Variants in KLHL32 observed in about 807,000 individuals in gnomAD.
KLHL32 encodes the protein kelch like family member 32, also known as kelch-like protein 32.
In KLHL32, 35 loss-of-function variants were observed where a neutral mutation model predicts 64.8. That is an observed-to-expected ratio of 0.54 (90% CI 0.41 to 0.72). KLHL32 has a LOEUF of 0.72. KLHL32 is among the 30% of genes least tolerant of loss of function. The probability of loss-of-function intolerance (pLI) is 0.00; values close to 1 mark genes in which losing one functional copy is unlikely to be tolerated. For missense variants in KLHL32, 589 were observed against 768.5 expected (o/e 0.77, Z 2.76); for synonymous variants, 259 against 281.0 (o/e 0.92, Z 0.78).
chr6:96,936,530 T>C (rs1337487393), intron 1 of KLHL32, among the ~76,000 whole-genome samples: 1 of 152,202 alleles, frequency 6.6e-6, no homozygotes, highest in Non-Finnish European at 1.5e-5. Flanking sequence ...AGTCAGGAAA[T>C]TCTGTTGGCT....
At chr6:97,103,663 G>A (rs1796041812) in intron 6 of KLHL32, among the ~76,000 whole-genome samples, 1 of 152,222 alleles carries the variant, frequency 6.6e-6, no homozygotes, top group African/African-American at 2.4e-5. Flanking sequence ...CCTAGGGAGA[G>A]TGACTATGAT....
chr6:97,055,178 T>C (rs1302659708), intron 4 of KLHL32, among the ~76,000 whole-genome samples: 1 of 152,150 alleles, frequency 6.6e-6, no homozygotes, highest in Non-Finnish European at 1.5e-5. Flanking sequence ...CTCTCTCTTC[T>C]CTTTTTAGAG....
chr6:96,990,801 C>T (rs1344934396), intron 3 of KLHL32, among the ~76,000 whole-genome samples: 1 of 152,076 alleles, frequency 6.6e-6, no homozygotes, highest in Non-Finnish European at 1.5e-5. Context: ...GCATTGGAGG[C>T]TCATAGGTGA....
chr6:97,081,279 C>T (rs925027367), intron 5 of KLHL32, among the ~76,000 whole-genome samples: 1 of 151,994 alleles, frequency 6.6e-6, no homozygotes, highest in Admixed American at 6.5e-5. Flanking sequence ...CATGGGTTCA[C>T]GAGTGTAGGG....
intron 3 of KLHL32, among the ~76,000 whole-genome samples, chr6:97,030,401 G>A (rs1256762196): frequency 6.6e-6 from 1 of 152,068 alleles, no homozygotes; most frequent in Non-Finnish European, 1.5e-5. Flanking sequence ...AAATAAAGAG[G>A]GAATAACACA....
At chr6:97,117,294 G>C (rs999713325) in intron 7 of KLHL32, among the ~76,000 whole-genome samples, 1 of 152,170 alleles carries the variant, frequency 6.6e-6, no homozygotes, top group Admixed American at 6.5e-5. Flanking sequence ...TTTAATTGAT[G>C]GGAATTGAAT....
At position 97,130,847 on chromosome 6, in the gene KLHL32, A is replaced by G. The variant is rs746795768; in HGVS notation, c.1504A>G (p.Asn502Asp). The change falls in exon 9 of 11, where the codon AAT becomes GAT. Residue 502 changes from asparagine to aspartate, a missense_variant. Transcript: ENST00000369261. ...VQRKLYVLGG[N>D]DLDYNNDRIL... ...AAGGAAGCTTTATGTTCTTGGAGGC[A>G]ATGACCTAGACTACAATAATGACCG... 2.5e-6 allele frequency: 4 copies of G among 1,614,060 alleles called. No homozygotes were observed. The highest frequency in any genetic ancestry group is 3.4e-6 in the Non-Finnish European group (4 of 1,180,016).
intron 1 of KLHL32, among the ~76,000 whole-genome samples, chr6:96,957,978 T>C (rs1773453797): frequency 6.6e-6 from 1 of 152,184 alleles, no homozygotes; most frequent in South Asian, 2.1e-4. Context: ...TTTATCTGCT[T>C]TGGAGGATTT....
chr6:97,059,901 G>GA (rs140188983), intron 4 of KLHL32, among the ~76,000 whole-genome samples: 41 of 148,442 alleles, frequency 2.8e-4, no homozygotes, highest in Middle Eastern at 3.5e-3. Context: ...TACTATACAG[G>GA]AAAAAAAAAA....
chr6:97,062,474 G>C (rs1789065533), intron 4 of KLHL32: 1 of 152,216 alleles, frequency 6.6e-6, no homozygotes, highest in African/African-American at 2.4e-5. Context: ...TGGAAAAGGA[G>C]ATATAAAGAT....
intron 1 of KLHL32, among the ~76,000 whole-genome samples, chr6:96,952,427 C>G (rs1280981667): frequency 6.6e-6 from 1 of 152,064 alleles, no homozygotes; most frequent in Non-Finnish European, 1.5e-5. Context: ...AATATGACAG[C>G]AAGAGAAATT....
At chr6:97,088,422 T>A (rs1793748452) in intron 6 of KLHL32, among the ~76,000 whole-genome samples, 1 of 152,222 alleles carries the variant, frequency 6.6e-6, no homozygotes. Flanking sequence ...TGCTTTCAGA[T>A]ATTAGCTCCC....
At chr6:96,967,109 C>T (rs1257027543) in intron 2 of KLHL32, 26 bp downstream of exon 2, 1 of 1,610,588 alleles carries the variant, frequency 6.2e-7, no homozygotes, top group Non-Finnish European at 8.5e-7. Context: ...TATGTCCTCA[C>T]ATGCCGTAGT....
chr6:96,930,095 G>A (rs185578742), intron 1 of KLHL32, among the ~76,000 whole-genome samples: 59 of 151,932 alleles, frequency 3.9e-4, no homozygotes, highest in East Asian at 1.2e-3. Flanking sequence ...GATACAACCC[G>A]TTTGTTATAC....
At chr6:97,098,915 G>A (rs1795336311) in intron 6 of KLHL32, among the ~76,000 whole-genome samples, 2 of 152,146 alleles carry the variant, frequency 1.3e-5, no homozygotes, top group South Asian at 4.1e-4. Context: ...TCAATCAATA[G>A]TTTTTGCTAT....
At chr6:97,105,419 CTT>C (rs1796275595) in intron 6 of KLHL32, 1 of 470,816 alleles carries the variant, frequency 2.1e-6, no homozygotes, top group Non-Finnish European at 4.4e-6. Context: ...TGTGCCCTTC[CTT>C]TGTCTTTTTC....
intron 1 of KLHL32, among the ~76,000 whole-genome samples, chr6:96,961,358 C>T (rs942025960): frequency 1.3e-5 from 2 of 152,094 alleles, no homozygotes; most frequent in South Asian, 4.1e-4. Flanking sequence ...TGGTATGCAT[C>T]CACATAATTA....
intron 1 of KLHL32, among the ~76,000 whole-genome samples, chr6:96,951,777 T>C (rs1772650864): frequency 6.6e-6 from 1 of 152,208 alleles, no homozygotes; most frequent in Admixed American, 6.5e-5. Context: ...TTACCAGTGT[T>C]ATATAAAGAG....
rs563313708 is a variant in KLHL32, at chr6:97,139,986, C to A, written c.*704C>A. 3.2e-4 allele frequency: 48 copies of A among 152,244 alleles called. No homozygotes were observed. The highest frequency in any genetic ancestry group is 9.1e-4 in the African/African-American group (38 of 41,546). 9.4% of individuals were successfully genotyped at this position (152,244 alleles called of 1,614,324 possible). A position where few individuals can be genotyped will look rare whatever the true frequency, so the allele number is the denominator to read the frequency against. On this transcript the variant is annotated 3_prime_UTR_variant, in exon 11 of 11. Transcript: ENST00000369261. The stretch of plus-strand genomic sequence containing the variant: ...GAACATTATGAGGATTAGGCGAACA[C>A]TTTGTAATACTTTGCCCAAGAAAAA...
Sources: allele counts gnomAD v4.1 joint callset (sites outside exome capture counted in the v4.1 genomes callset), GRCh38; gene constraint gnomAD v4.1.1; transcripts MANE v1.5; gene names NCBI Gene and HGNC (gene_info 2026-07-23, HGNC 2026-07-21).